DDAH1: variants seen among roughly 807,000 people sequenced by gnomAD.
The protein encoded by DDAH1 is dimethylarginine dimethylaminohydrolase 1.
Under a neutral mutation model 28.8 loss-of-function variants are expected in DDAH1, and 19 were observed. That is an observed-to-expected ratio of 0.66 (90% CI 0.46 to 0.97). The LOEUF is 0.97. Among genes scored for constraint, DDAH1 ranks in the 50% least tolerant of loss-of-function variants. DDAH1 has a pLI of 0.00. For synonymous variants in DDAH1, 153 were observed against 154.4 expected (o/e 0.99, Z 0.07); for missense variants, 326 against 375.9 (o/e 0.87, Z 1.10).
intron 1 of DDAH1, among the ~76,000 whole-genome samples, chr1:85,415,293 T>C (rs7546931): frequency 0.77 from 117,526 of 152,158 alleles, 45,705 homozygotes; most frequent in Middle Eastern, 0.86. Context: ...GGATTACAGG[T>C]GTGAAACCAC....
chr1:85,540,707 C>T (rs1658447057), intron 1 of DDAH1, among the ~76,000 whole-genome samples: 1 of 152,068 alleles, frequency 6.6e-6, no homozygotes, highest in African/African-American at 2.4e-5. Flanking sequence ...CCTGTAATCC[C>T]AGCACTTTGG....
At chr1:85,332,855 G>C (rs1647860528) in intron 4 of DDAH1, among the ~76,000 whole-genome samples, 1 of 152,148 alleles carries the variant, frequency 6.6e-6, no homozygotes, top group Non-Finnish European at 1.5e-5. Context: ...CACCACTGCT[G>C]GCAATCTTCT....
intron 1 of DDAH1, among the ~76,000 whole-genome samples, chr1:85,411,907 G>A (rs981856106): frequency 2.6e-5 from 4 of 152,180 alleles, no homozygotes; most frequent in Non-Finnish European, 5.9e-5. Flanking sequence ...AGCTGGAAGA[G>A]GGTATAGAAA....
chr1:85,502,934 T>C (rs1656870620), intron 1 of DDAH1, among the ~76,000 whole-genome samples: 1 of 152,180 alleles, frequency 6.6e-6, no homozygotes, highest in South Asian at 2.1e-4. Flanking sequence ...TGCTTCTCCT[T>C]CAGCCAGATT....
intron 1 of DDAH1, among the ~76,000 whole-genome samples, chr1:85,402,458 CA>C (rs1244478308): frequency 6.6e-6 from 1 of 152,104 alleles, no homozygotes; most frequent in Non-Finnish European, 1.5e-5. Context: ...AAAATATTTT[CA>C]GTACAAATTA....
intron 1 of DDAH1, among the ~76,000 whole-genome samples, chr1:85,576,357 A>G (rs1047557086): frequency 6.6e-6 from 1 of 152,164 alleles, no homozygotes; most frequent in African/African-American, 2.4e-5. Flanking sequence ...AGCGTCCCCA[A>G]GGCCACAGCC....
intron 2 of DDAH1, among the ~76,000 whole-genome samples, chr1:85,489,044 G>A (rs1656297376): frequency 6.6e-6 from 1 of 152,140 alleles, no homozygotes; most frequent in South Asian, 2.1e-4. Context: ...CTTGCACCCA[G>A]CTGTTACTTA....
At chr1:85,553,193 G>A (rs1454938145) in intron 1 of DDAH1, among the ~76,000 whole-genome samples, 3 of 152,160 alleles carry the variant, frequency 2.0e-5, no homozygotes, top group Admixed American at 2.0e-4. Context: ...AGCCAGCCAA[G>A]CTAGCAGCTG....
upstream of DDAH1, among the ~76,000 whole-genome samples, chr1:85,469,146 C>T (rs996133055): frequency 2.0e-5 from 3 of 152,198 alleles, no homozygotes; most frequent in Non-Finnish European, 2.9e-5. Context: ...ACAATAACCA[C>T]GAGCAAGGGC....
intron 1 of DDAH1, among the ~76,000 whole-genome samples, chr1:85,372,036 T>C (rs1305910204): frequency 6.6e-6 from 1 of 152,074 alleles, no homozygotes; most frequent in Non-Finnish European, 1.5e-5. Flanking sequence ...AGTCCTTAGC[T>C]TTTTTGTGTG....
At chr1:85,453,460 A>G (rs1383008630) in intron 1 of DDAH1, among the ~76,000 whole-genome samples, 4 of 152,214 alleles carry the variant, frequency 2.6e-5, no homozygotes, top group Non-Finnish European at 5.9e-5. Flanking sequence ...GTTTGCCTCT[A>G]TCATTAATGT....
chr1:85,468,456 C>T (rs940299841), upstream of DDAH1, among the ~76,000 whole-genome samples: 7 of 151,248 alleles, frequency 4.6e-5, no homozygotes, highest in African/African-American at 7.3e-5. Context: ...TGGCAGAAGA[C>T]GAAAGAAGAG....
At chr1:85,429,550 C>T (rs1392261428) in intron 1 of DDAH1, among the ~76,000 whole-genome samples, 1 of 152,152 alleles carries the variant, frequency 6.6e-6, no homozygotes, top group Non-Finnish European at 1.5e-5. Flanking sequence ...ATTGCTGGGT[C>T]AAATGGTATT....
intron 1 of DDAH1, among the ~76,000 whole-genome samples, chr1:85,537,004 G>A (rs72726310): frequency 6.9e-6 from 1 of 145,332 alleles, no homozygotes; most frequent in Non-Finnish European, 1.5e-5. Flanking sequence ...CATACACACA[G>A]TGTGTATGTA....
rs531022204 is a variant in DDAH1, at chr1:85,546,252, T to G, written c.-123+31732A>C. Among the ~76,000 whole-genome samples the G allele has an allele frequency of 2.4e-3, 361 of 152,252 alleles. 1 individual carries two copies. The highest frequency in any genetic ancestry group is 8.4e-3 in the African/African-American group (348 of 41,558). On this transcript the variant is annotated intron_variant, in intron 1 of 6. Transcript: ENST00000426972. ...CCTCATGAATGGATTAATGCCGTTT[T>G]CTCAGGAGTTATCTTGGGAGTGGGT...
intron 4 of DDAH1, among the ~76,000 whole-genome samples, chr1:85,330,766 T>C (rs556108013): frequency 6.6e-6 from 1 of 152,226 alleles, no homozygotes; most frequent in Non-Finnish European, 1.5e-5. Flanking sequence ...ATTAGATCAA[T>C]TGGTGGTCAG....
rs77040150 is a variant in DDAH1, at chr1:85,343,555, A to G, written c.597+6860T>C. Among the ~76,000 whole-genome samples, 653 of 152,376 alleles carry G rather than the reference A, an allele frequency of 4.3e-3. 4 individuals carry two copies. The highest frequency in any genetic ancestry group is 0.015 in the African/African-American group (609 of 41,590). ...CAGATAGTAAGACAAAATTAAACCT[A>G]CAATGGGATTGTCAGTATGCCTTTC... On this transcript the variant is annotated intron_variant, in intron 4 of 5. Coordinates refer to ENST00000284031, the MANE Select transcript of DDAH1 (RefSeq NM_012137.4).
chr1:85,484,663 TG>T, intron 2 of DDAH1, among the ~76,000 whole-genome samples: 1 of 152,370 alleles, frequency 6.6e-6, no homozygotes, highest in African/African-American at 2.4e-5. Context: ...CTACAAACAG[TG>T]CAATTGATAA....
chr1:85,519,861 T>C (rs1657613482), intron 1 of DDAH1, among the ~76,000 whole-genome samples: 1 of 152,128 alleles, frequency 6.6e-6, no homozygotes, highest in African/African-American at 2.4e-5. Context: ...AATAAATGCA[T>C]CAATTTCAGG....
Sources: gnomAD v4.1 joint callset for allele counts (sites outside exome capture counted in the v4.1 genomes callset) on GRCh38, gnomAD v4.1.1 for gene constraint, MANE v1.5 for transcripts, NCBI Gene and HGNC (gene_info 2026-07-23, HGNC 2026-07-21) for gene names.